The following TTC39C variants were observed in gnomAD, a reference collection of about 807,000 sequenced individuals.
The protein encoded by TTC39C is tetratricopeptide repeat domain 39C.
A neutral mutation model predicts 76.3 loss-of-function variants in TTC39C; 33 were observed. The observed-to-expected ratio is 0.43, with a 90% CI of 0.33 to 0.58. The LOEUF (loss-of-function observed/expected upper bound fraction) is 0.58, where lower values mean the gene tolerates loss of function less well. Ranked by LOEUF, TTC39C falls within the 20% of genes least tolerant of loss-of-function variation. TTC39C has a pLI of 0.04. For synonymous variants in TTC39C, 254 were observed against 260.6 expected (o/e 0.97, Z 0.24); for missense variants, 595 against 701.4 (o/e 0.85, Z 1.71).
At chr18:24,042,097 A>G (rs1205497264) in intron 1 of TTC39C, among the ~76,000 whole-genome samples, 3 of 152,208 alleles carry the variant, frequency 2.0e-5, no homozygotes, top group Non-Finnish European at 4.4e-5. Context: ...AAGTCGACCC[A>G]TGTTGATCTA....
chr18:24,076,412 T>G (rs2084308581), intron 4 of TTC39C, among the ~76,000 whole-genome samples: 1 of 151,990 alleles, frequency 6.6e-6, no homozygotes, highest in Non-Finnish European at 1.5e-5. Flanking sequence ...TTAAATAGCG[T>G]GTTCTCTGCT....
chr18:24,008,487 C>G (rs530496410), intron 1 of TTC39C, among the ~76,000 whole-genome samples: 13 of 152,264 alleles, frequency 8.5e-5, no homozygotes, highest in African/African-American at 3.1e-4. Context: ...TAGTAGGAAA[C>G]AAGGTAAAGT....
chr18:24,083,170 G>T (rs1223080749), intron 6 of TTC39C, 89 bp downstream of exon 6: 42 of 1,358,712 alleles, frequency 3.1e-5, no homozygotes, highest in Non-Finnish European at 3.9e-5. Context: ...AAACGAGCCA[G>T]AATGTCCCAG....
chr18:24,104,688 T>TTGTGTGTGTGTGTGTGTG lies in TTC39C; in HGVS notation c.985-9849_985-9832dup, dbSNP rs10661950. Reference sequence around the variant, plus strand: ...GCCCAGCGCTTAGGGAGCAGGGTGTTTGTGTGTGTGTGTGTGTGTGTGTGT... The same window carrying TTGTGTGTGTGTGTGTGTG: ...GCCCAGCGCTTAGGGAGCAGGGTGTTTGTGTGTGTGTGTGTGTGTGTGTGTGTGTGTGTGTGTGTGTGT... On this transcript the variant is annotated intron_variant, in intron 6 of 13. Transcript: ENST00000317571. Among the ~76,000 whole-genome samples the TTGTGTGTGTGTGTGTGTG allele has an allele frequency of 3.9e-3, 571 of 144,800 alleles. 8 individuals are homozygous for TTGTGTGTGTGTGTGTGTG. The East Asian group carries it at 0.06, about 15-fold the overall frequency. 95.0% of individuals were successfully genotyped at this position (144,800 alleles called of 152,430 possible).
At chr18:24,032,253 G>A (rs2145677763) in intron 1 of TTC39C, among the ~76,000 whole-genome samples, 1 of 152,278 alleles carries the variant, frequency 6.6e-6, no homozygotes, top group African/African-American at 2.4e-5. Context: ...CCAGGTTTAT[G>A]GTAATTTATT....
chr18:24,104,660 A>G (rs1013797284), intron 6 of TTC39C, among the ~76,000 whole-genome samples: 1 of 150,748 alleles, frequency 6.6e-6, no homozygotes, highest in African/African-American at 2.5e-5. Context: ...TGCCTAGACC[A>G]GTGCCCAGCG....
intron 1 of TTC39C, chr18:23,994,171 A>G (rs1248462733): frequency 1.3e-5 from 2 of 152,214 alleles, no homozygotes; most frequent in Non-Finnish European, 2.9e-5. Context: ...TATTCCTTAG[A>G]TGTTTTGGCT....
At position 24,112,900 on chromosome 18, in the gene TTC39C, G is replaced by A. The variant is rs533554751; in HGVS notation, c.985-1654G>A. On this transcript the variant is annotated intron_variant, in intron 6 of 13. Transcript: ENST00000317571. ...GGAAAAATTAGACATAGGGTGTGAC[G>A]TGTCTAGATACCTCCACCTGCGCTC... Among the ~76,000 whole-genome samples, 28 of 152,276 alleles carry A rather than the reference G, an allele frequency of 1.8e-4. No individual in the cohort carries two copies. The East Asian group carries it at 2.7e-3, about 15-fold the overall frequency.
intron 4 of TTC39C, among the ~76,000 whole-genome samples, chr18:24,080,051 C>G (rs2084358361): frequency 6.6e-6 from 1 of 152,072 alleles, no homozygotes; most frequent in South Asian, 2.1e-4. Context: ...ATCTGCCCAC[C>G]ACGGCCTCCC....
chr18:24,133,311 TACA>T lies in TTC39C; in HGVS notation c.*738_*740del, dbSNP rs1166388619. On this transcript the variant is annotated 3_prime_UTR_variant, in exon 14 of 14. Coordinates refer to ENST00000317571, the MANE Select transcript of TTC39C (RefSeq NM_001135993.2). ...CAGAAATAGTCATCTCCAGATTGTC[TACA>T]GAATGTTTCAAAGCGATGGACACTC... The T allele has an allele frequency of 4.6e-5, 7 of 152,322 alleles. No individual in the cohort carries two copies. The highest frequency in any genetic ancestry group is 1.7e-4 in the African/African-American group (7 of 41,566). 9.4% of individuals were successfully genotyped at this position (152,322 alleles called of 1,614,324 possible).
chr18:24,123,650 A>G (rs1599349093), intron 8 of TTC39C, 184 bp from the exon 9 acceptor site: 1 of 459,688 alleles, frequency 2.2e-6, no homozygotes, highest in Non-Finnish European at 3.8e-6. Context: ...CAGGTGATCC[A>G]CTCGCCTCTG....
At chr18:24,104,714 G>GTGTGTGTGTGTGACTGTGCA (rs2084724919) in intron 6 of TTC39C, among the ~76,000 whole-genome samples, 2 of 151,232 alleles carry the variant, frequency 1.3e-5, no homozygotes, top group African/African-American at 4.9e-5. Flanking sequence ...GTGTGTGTGT[G>GTGTGTGTGTGTGACTGTGCA]TGTGTGTGAC....
At chr18:24,041,809 C>T (rs1216957286) in intron 1 of TTC39C, among the ~76,000 whole-genome samples, 1 of 152,092 alleles carries the variant, frequency 6.6e-6, no homozygotes, top group Non-Finnish European at 1.5e-5. Context: ...AAAATGTTAA[C>T]ATTTGTAAAC....
At chr18:24,035,932 A>G (rs1213003503) in intron 1 of TTC39C, among the ~76,000 whole-genome samples, 1 of 152,200 alleles carries the variant, frequency 6.6e-6, no homozygotes, top group African/African-American at 2.4e-5. Flanking sequence ...TAGGTCTTTC[A>G]TCCCTTGTGA....
chr18:24,103,829 A>G (rs2145793376), intron 6 of TTC39C, among the ~76,000 whole-genome samples: 1 of 151,764 alleles, frequency 6.6e-6, no homozygotes, highest in Middle Eastern at 3.4e-3. Flanking sequence ...CTGTCAAAGT[A>G]ACTTCGTTAG....
intron 8 of TTC39C, among the ~76,000 whole-genome samples, chr18:24,119,765 T>A (rs1240777494): frequency 1.3e-5 from 2 of 152,190 alleles, no homozygotes; most frequent in Non-Finnish European, 2.9e-5. Flanking sequence ...ATTTGTTGAG[T>A]GACTCAGTGT....
At chr18:24,132,167 C>CTT (rs1406122383) in intron 13 of TTC39C, among the ~76,000 whole-genome samples, 1 of 152,178 alleles carries the variant, frequency 6.6e-6, no homozygotes, top group Non-Finnish European at 1.5e-5. Context: ...GGGAAGATAA[C>CTT]TTTTGATTTT....
chr18:24,038,588 A>G (rs1305617704), intron 1 of TTC39C, among the ~76,000 whole-genome samples: 1 of 152,166 alleles, frequency 6.6e-6, no homozygotes, highest in Non-Finnish European at 1.5e-5. Context: ...TGGCCCACAC[A>G]GCATATAATT....
intron 4 of TTC39C, 133 bp from the exon 5 acceptor site, chr18:24,080,449 TACA>T (rs2145757852): frequency 3.1e-6 from 2 of 651,618 alleles, no homozygotes; most frequent in South Asian, 2.0e-5. Flanking sequence ...GAACACTGGG[TACA>T]ACAATAGATA....
Sources: allele counts gnomAD v4.1 joint callset (sites outside exome capture counted in the v4.1 genomes callset), GRCh38; gene constraint gnomAD v4.1.1; transcripts MANE v1.5; gene names NCBI Gene and HGNC (gene_info 2026-07-23, HGNC 2026-07-21).